Variants in SLC39A14 observed in about 807,000 individuals in gnomAD.
SLC39A14 encodes the protein solute carrier family 39 member 14.
SLC39A14 carries 19 observed loss-of-function variants against 45.5 expected under a neutral mutation model. The ratio of observed to expected loss-of-function variants is 0.42; its 90% CI spans 0.29 to 0.61. The LOEUF (loss-of-function observed/expected upper bound fraction) is 0.61, where lower values mean the gene tolerates loss of function less well. Ranked by LOEUF, SLC39A14 falls within the 20% of genes least tolerant of loss-of-function variation. The pLI is 0.22. For synonymous variants in SLC39A14, 264 were observed against 251.3 expected (o/e 1.05, Z -0.48); for missense variants, 447 against 616.5 (o/e 0.73, Z 2.91).
chr8:22,412,528 G>A (rs1210487990), intron 4 of SLC39A14, among the ~76,000 whole-genome samples: 1 of 152,228 alleles, frequency 6.6e-6, no homozygotes, highest in Non-Finnish European at 1.5e-5. Context: ...CGAGTCTGCT[G>A]CAGCACTGAG....
chr8:22,432,979 TTGGTAAAGA>T (rs1836491435), intron 8 of SLC39A14, among the ~76,000 whole-genome samples: 2 of 151,824 alleles, frequency 1.3e-5, no homozygotes, highest in Non-Finnish European at 1.5e-5. Context: ...AAAAAAATTT[TTGGTAAAGA>T]TGGGGTCTCC....
At chr8:22,370,920 C>A (rs1832890853) in intron 1 of SLC39A14, among the ~76,000 whole-genome samples, 4 of 152,102 alleles carry the variant, frequency 2.6e-5, no homozygotes, top group African/African-American at 4.8e-5. Flanking sequence ...GTCCAGAGTC[C>A]GCCCCATCGA....
At chr8:22,419,277 G>C (rs1320126176) in intron 8 of SLC39A14, among the ~76,000 whole-genome samples, 1 of 152,038 alleles carries the variant, frequency 6.6e-6, no homozygotes, top group Non-Finnish European at 1.5e-5. Context: ...CTTGCCTTCC[G>C]GGTTCAAGCA....
At chr8:22,369,437 C>T (rs1393778469) in intron 1 of SLC39A14, among the ~76,000 whole-genome samples, 2 of 152,222 alleles carry the variant, frequency 1.3e-5, no homozygotes, top group Non-Finnish European at 2.9e-5. Flanking sequence ...GGCTCTGGGA[C>T]TCTTAGCCTG....
At chr8:22,373,551 G>A (rs1431050069) in intron 1 of SLC39A14, among the ~76,000 whole-genome samples, 6 of 152,108 alleles carry the variant, frequency 3.9e-5, no homozygotes, top group East Asian at 1.9e-4. Flanking sequence ...ACACAGGTAC[G>A]TGTCACATTT....
intron 1 of SLC39A14, among the ~76,000 whole-genome samples, chr8:22,377,064 A>G (rs1009147044): frequency 3.3e-5 from 5 of 151,798 alleles, no homozygotes; most frequent in Admixed American, 2.6e-4. Context: ...ATGATTCTCT[A>G]TTTCCCTCTT....
intron 3 of SLC39A14, among the ~76,000 whole-genome samples, chr8:22,410,949 T>C (rs1194935871): frequency 2.6e-5 from 4 of 152,194 alleles, no homozygotes; most frequent in Non-Finnish European, 4.4e-5. Context: ...TGTCAGCTGC[T>C]TCTCAGGCTT....
intron 1 of SLC39A14, among the ~76,000 whole-genome samples, chr8:22,388,340 C>T (rs532878746): frequency 6.6e-6 from 1 of 152,230 alleles, no homozygotes; most frequent in South Asian, 2.1e-4. Flanking sequence ...ATGAATGGGA[C>T]TTCCTAGTCC....
chr8:22,382,882 AT>A (rs1240746954), intron 1 of SLC39A14, among the ~76,000 whole-genome samples: 1,770 of 141,820 alleles, frequency 0.012, 10 homozygotes, highest in Middle Eastern at 0.019. Flanking sequence ...GCCCCCGCTA[AT>A]TTTTTTTTTT....
downstream of SLC39A14, among the ~76,000 whole-genome samples, chr8:22,423,323 G>A (rs1355899101): frequency 7.0e-6 from 1 of 143,150 alleles, no homozygotes; most frequent in Non-Finnish European, 1.5e-5. Context: ...TTTGAATTTT[G>A]TTGTTGTTGT....
Position 22,420,321 on chromosome 8 carries a change from T to C in SLC39A14, c.*623T>C, listed in dbSNP as rs1267516395. The C allele has an allele frequency of 1.0e-5, 10 of 985,348 alleles. No homozygotes were observed. Among genetic ancestry groups the C allele is most frequent in the Non-Finnish European group, 1.2e-5 (10 of 829,966 alleles). 61.0% of individuals were successfully genotyped at this position (985,348 alleles called of 1,614,324 possible). Reference sequence around the variant, plus strand: ...GGAAGTCGAACCACTGCTGTGTGTCTTGTCAGGATGCTCACTTGTTCCTAC... The same window carrying C: ...GGAAGTCGAACCACTGCTGTGTGTCCTGTCAGGATGCTCACTTGTTCCTAC... On this transcript the variant is annotated 3_prime_UTR_variant, in exon 9 of 9. Transcript: ENST00000381237.
At chr8:22,429,845 CG>C (rs1239867806) in intron 8 of SLC39A14, among the ~76,000 whole-genome samples, 1 of 152,124 alleles carries the variant, frequency 6.6e-6, no homozygotes, top group African/African-American at 2.4e-5. Context: ...TAAATTAACA[CG>C]GGGGAGTGAG....
intron 1 of SLC39A14, among the ~76,000 whole-genome samples, chr8:22,400,859 T>C (rs903774369): frequency 6.6e-6 from 1 of 152,214 alleles, no homozygotes; most frequent in African/African-American, 2.4e-5. Flanking sequence ...AGCCTGATGT[T>C]TGGGTTGAGA....
chr8:22,373,484 A>G (rs1321330415), intron 1 of SLC39A14, among the ~76,000 whole-genome samples: 2 of 152,186 alleles, frequency 1.3e-5, no homozygotes, highest in Non-Finnish European at 2.9e-5. Context: ...GAGACCACCT[A>G]TATATTATAT....
Position 22,369,742 on chromosome 8 carries a change from C to G in SLC39A14, c.-16+2334C>G, listed in dbSNP as rs542928246. On this transcript the variant is annotated intron_variant, in intron 1 of 8. Coordinates refer to ENST00000381237, the MANE Select transcript of SLC39A14 (RefSeq NM_001128431.4). Reference sequence around the variant, plus strand: ...AGAAATTTCTTAACTTCTGTTCTCACCAGCTTGCAGGATGTCGTGATTTTG... The same window carrying G: ...AGAAATTTCTTAACTTCTGTTCTCAGCAGCTTGCAGGATGTCGTGATTTTG... 1.8e-3 allele frequency among the ~76,000 whole-genome samples: 273 copies of G among 152,320 alleles called. 1 individual carries two copies. Among genetic ancestry groups the G allele is most frequent in the African/African-American group, 6.1e-3 (253 of 41,572 alleles).
At chr8:22,386,785 T>A (rs186899768) in intron 1 of SLC39A14, among the ~76,000 whole-genome samples, 2 of 152,328 alleles carry the variant, frequency 1.3e-5, no homozygotes, top group East Asian at 3.9e-4. Flanking sequence ...GGATGATCTC[T>A]TGTCCTCAGG....
chr8:22,384,640 G>A (rs1011788997), intron 1 of SLC39A14, among the ~76,000 whole-genome samples: 1 of 151,544 alleles, frequency 6.6e-6, no homozygotes, highest in African/African-American at 2.4e-5. Flanking sequence ...CCAGCTACTC[G>A]CCAGGCTAAG....
At chr8:22,426,491 A>C (rs1224690697), downstream of SLC39A14, among the ~76,000 whole-genome samples, 1 of 151,776 alleles carries the variant, frequency 6.6e-6, no homozygotes, top group Admixed American at 6.6e-5. Context: ...TTGCACCCAG[A>C]CTCTCTAGAT....
At chr8:22,381,305 C>T (rs1259694431) in intron 1 of SLC39A14, among the ~76,000 whole-genome samples, 4 of 147,970 alleles carry the variant, frequency 2.7e-5, no homozygotes, top group African/African-American at 7.6e-5. Context: ...GACAGAGTCT[C>T]GCTCCGTCAC....
Sources: allele counts gnomAD v4.1 joint callset (sites outside exome capture counted in the v4.1 genomes callset), GRCh38; gene constraint gnomAD v4.1.1; transcripts MANE v1.5; gene names NCBI Gene and HGNC (gene_info 2026-07-23, HGNC 2026-07-21).